Variants in TMTC2 observed in about 807,000 individuals in gnomAD.
TMTC2 encodes the protein protein O-mannosyl-transferase TMTC2.
TMTC2 carries 43 observed loss-of-function variants against 82.4 expected under a neutral mutation model. The ratio of observed to expected loss-of-function variants is 0.52; its 90% CI spans 0.41 to 0.67. The LOEUF (loss-of-function observed/expected upper bound fraction) is 0.67, where lower values mean the gene tolerates loss of function less well. Ranked by LOEUF, TMTC2 falls within the 30% of genes least tolerant of loss-of-function variation. The probability of loss-of-function intolerance (pLI) is 0.00; values close to 1 mark genes in which losing one functional copy is unlikely to be tolerated. For missense variants in TMTC2, 919 were observed against 1,012.4 expected (o/e 0.91, Z 1.25); for synonymous variants, 408 against 381.9 (o/e 1.07, Z -0.80).
At chr12:82,977,974 A>T (rs1009664298) in intron 7 of TMTC2, among the ~76,000 whole-genome samples, 2 of 151,816 alleles carry the variant, frequency 1.3e-5, no homozygotes. Context: ...ATATTTTACT[A>T]TATAATTGAT....
At chr12:82,752,088 A>G (rs1482751901) in intron 1 of TMTC2, among the ~76,000 whole-genome samples, 1 of 151,794 alleles carries the variant, frequency 6.6e-6, no homozygotes, top group African/African-American at 2.4e-5. Flanking sequence ...TGTTAAATAG[A>G]TACATTATCC....
intron 3 of TMTC2, among the ~76,000 whole-genome samples, chr12:82,910,804 C>T (rs1306678192): frequency 6.6e-6 from 1 of 152,050 alleles, no homozygotes; most frequent in African/African-American, 2.4e-5. Context: ...TCATTTTCTG[C>T]AGATGTGTTC....
chr12:82,687,871 C>T (rs1872401335), intron 1 of TMTC2, among the ~76,000 whole-genome samples: 1 of 152,160 alleles, frequency 6.6e-6, no homozygotes, highest in Non-Finnish European at 1.5e-5. Flanking sequence ...GTTTCCGCTC[C>T]TAGTTTGCAG....
intron 2 of TMTC2, among the ~76,000 whole-genome samples, chr12:82,881,994 ATTTTTTT>A (rs869127384): frequency 1.9e-5 from 2 of 107,270 alleles, no homozygotes; most frequent in Admixed American, 2.0e-4. Context: ...TGTTGTTAAG[ATTTTTTT>A]TTTTTTTTTT....
chr12:83,058,219 A>G (rs977011381), intron 10 of TMTC2, among the ~76,000 whole-genome samples: 83 of 151,954 alleles, frequency 5.5e-4, no homozygotes, highest in African/African-American at 1.8e-3. Flanking sequence ...CGCAGTACGC[A>G]AATGATGAAA....
intron 4 of TMTC2, among the ~76,000 whole-genome samples, chr12:82,940,312 C>G (rs75125024): frequency 1.3e-5 from 2 of 151,760 alleles, no homozygotes; most frequent in East Asian, 3.9e-4. Flanking sequence ...CCACCGCGCC[C>G]GGCCAGATAC....
chr12:82,730,218 C>T (rs1471318206), intron 1 of TMTC2, among the ~76,000 whole-genome samples: 1 of 143,252 alleles, frequency 7.0e-6, no homozygotes, highest in African/African-American at 2.6e-5. Flanking sequence ...TCGCTTGAAC[C>T]CAGGAGGCAG....
chr12:82,735,969 T>TCACACACA (rs148485109), intron 1 of TMTC2, among the ~76,000 whole-genome samples: 74 of 145,954 alleles, frequency 5.1e-4, no homozygotes, highest in African/African-American at 1.8e-3. Flanking sequence ...CGAGACTCCG[T>TCACACACA]CACACACACA....
chr12:82,730,603 GT>G (rs2136939642), intron 1 of TMTC2, among the ~76,000 whole-genome samples: 1 of 152,288 alleles, frequency 6.6e-6, no homozygotes, highest in African/African-American at 2.4e-5. Flanking sequence ...TTAGCACACT[GT>G]TTTGTACAGT....
intron 8 of TMTC2, among the ~76,000 whole-genome samples, chr12:83,028,937 A>G (rs544667807): frequency 6.6e-6 from 1 of 152,182 alleles, no homozygotes; most frequent in Non-Finnish European, 1.5e-5. Flanking sequence ...GCTATTTGAC[A>G]AGACTTGTGA....
In TMTC2 at chr12:82,940,014, CTTT is replaced by C. The variant is rs71309537; in HGVS notation, c.1598+9490_1598+9492del. Among the ~76,000 whole-genome samples, 7 of 91,262 alleles carry C rather than the reference CTTT, an allele frequency of 7.7e-5. 1 individual carries two copies. The highest frequency in any genetic ancestry group is 2.1e-4 in the African/African-American group (5 of 23,314). The allele number at this position is 91,262 out of a possible 152,430, so 59.9% of individuals were successfully genotyped here. A position where few individuals can be genotyped will look rare whatever the true frequency, so the allele number is the denominator to read the frequency against. On this transcript the variant is annotated intron_variant, in intron 4 of 11. Transcript: ENST00000321196. ...ACATGTATTTCTTTTTCTTTCTTTA[CTTT>C]TTTTTTTTTTTTTTTTTTTTGAGAC...
intron 10 of TMTC2, among the ~76,000 whole-genome samples, chr12:83,058,480 G>C (rs997125768): frequency 6.6e-6 from 1 of 151,862 alleles, no homozygotes; most frequent in African/African-American, 2.4e-5. Context: ...AATGTGAAGA[G>C]TGGGAGGTCC....
intron 1 of TMTC2, among the ~76,000 whole-genome samples, chr12:82,848,157 A>G (rs1184819549): frequency 6.6e-6 from 1 of 152,116 alleles, no homozygotes; most frequent in Non-Finnish European, 1.5e-5. Context: ...AAGAAGAATC[A>G]TACATGACAG....
intron 8 of TMTC2, among the ~76,000 whole-genome samples, chr12:83,025,432 T>C (rs1881122022): frequency 6.6e-6 from 1 of 151,252 alleles, no homozygotes; most frequent in South Asian, 2.1e-4. Context: ...TATATTTATG[T>C]ATAGTAGAAA....
intron 1 of TMTC2, among the ~76,000 whole-genome samples, chr12:82,750,992 G>T (rs917964044): frequency 1.3e-5 from 2 of 152,140 alleles, no homozygotes; most frequent in Non-Finnish European, 2.9e-5. Flanking sequence ...TTCAGAGCCT[G>T]CAACCTTTAT....
chr12:82,728,510 C>T (rs993960909), intron 1 of TMTC2, among the ~76,000 whole-genome samples: 2 of 152,138 alleles, frequency 1.3e-5, no homozygotes, highest in Non-Finnish European at 2.9e-5. Context: ...CACCTGAGGT[C>T]AGGAGTTCCA....
intron 1 of TMTC2, among the ~76,000 whole-genome samples, chr12:82,828,041 C>T (rs1188033606): frequency 6.7e-5 from 10 of 149,590 alleles, no homozygotes; most frequent in Admixed American, 2.0e-4. Context: ...TACAGGCATG[C>T]GCCACCATGC....
chr12:83,045,508 G>T (rs1171563099), intron 9 of TMTC2, among the ~76,000 whole-genome samples: 4 of 152,062 alleles, frequency 2.6e-5, no homozygotes, highest in Non-Finnish European at 4.4e-5. Flanking sequence ...GAAATCTGTT[G>T]TTCCCTGTGA....
At chr12:83,043,414 A>T (rs911226005) in intron 9 of TMTC2, among the ~76,000 whole-genome samples, 4 of 152,150 alleles carry the variant, frequency 2.6e-5, no homozygotes, top group African/African-American at 9.7e-5. Context: ...ACTAGATGTG[A>T]CTAAAACCAG....
Sources: gnomAD v4.1 joint callset for allele counts (sites outside exome capture counted in the v4.1 genomes callset) on GRCh38, gnomAD v4.1.1 for gene constraint, MANE v1.5 for transcripts, NCBI Gene and HGNC (gene_info 2026-07-23, HGNC 2026-07-21) for gene names.